The following ATG4C variants were observed in gnomAD, a reference collection of about 807,000 sequenced individuals.
The protein encoded by ATG4C is autophagy related 4C cysteine peptidase, also known as cysteine protease ATG4C.
ATG4C carries 56 observed loss-of-function variants against 57.6 expected under a neutral mutation model. The observed-to-expected ratio is 0.97, with a 90% CI of 0.78 to 1.21. The LOEUF (loss-of-function observed/expected upper bound fraction) is 1.21, where lower values mean the gene tolerates loss of function less well. Ranked by LOEUF, ATG4C falls within the 50% of genes most tolerant of loss-of-function variation. The pLI, the probability that ATG4C is intolerant of heterozygous loss-of-function variation, is 0.00. For missense variants in ATG4C, 595 were observed against 529.8 expected, an observed-to-expected ratio of 1.12 and a Z score of -1.21; for synonymous variants, 157 against 174.1, an observed-to-expected ratio of 0.90 and a Z score of 0.78.
intron 1 of ATG4C, among the ~76,000 whole-genome samples, chr1:62,787,810 A>G (rs569100813): frequency 1.3e-5 from 2 of 152,206 alleles, no homozygotes; most frequent in Admixed American, 6.5e-5. Context: ...ATATATATAC[A>G]TAGGTTAATA....
intron 5 of ATG4C, among the ~76,000 whole-genome samples, chr1:62,820,624 G>C (rs1250685031): frequency 6.6e-6 from 1 of 151,858 alleles, no homozygotes; most frequent in Non-Finnish European, 1.5e-5. Flanking sequence ...TTAATTTACA[G>C]TTTTACTTAT....
intron 10 of ATG4C, among the ~76,000 whole-genome samples, chr1:62,851,880 C>A (rs143339987): frequency 6.6e-6 from 1 of 152,070 alleles, no homozygotes. Flanking sequence ...CAACAGCAGT[C>A]GTGGTGGTGG....
intron 10 of ATG4C, among the ~76,000 whole-genome samples, chr1:62,861,614 CACACACACACACAG>C (rs148023284): frequency 0.08 from 4,938 of 61,860 alleles, 121 homozygotes; most frequent in Middle Eastern, 0.14. Flanking sequence ...CACACACACA[CACACACACACACAG>C]AGAGACACAA....
chr1:62,828,821 T>G lies in ATG4C; in HGVS notation c.797-219T>G, dbSNP rs910866470. Among the ~76,000 whole-genome samples the G allele has an allele frequency of 3.3e-5, 5 of 152,242 alleles. 1 individual carries two copies. The highest frequency in any genetic ancestry group is 2.9e-5 in the Non-Finnish European group (2 of 68,000). ...AAGTCTTTAATCCATCTTGAGTTGATTTTTATATATGGTGTAAGGAAGTGG... is the reference window on the plus strand; with the variant it reads ...AAGTCTTTAATCCATCTTGAGTTGAGTTTTATATATGGTGTAAGGAAGTGG... On this transcript the variant is annotated intron_variant, in intron 6 of 10. Coordinates refer to ENST00000317868, the MANE Select transcript of ATG4C (RefSeq NM_032852.4).
intron 7 of ATG4C, among the ~76,000 whole-genome samples, chr1:62,829,977 T>A (rs1371998740): frequency 6.6e-6 from 1 of 152,148 alleles, no homozygotes; most frequent in Non-Finnish European, 1.5e-5. Flanking sequence ...CTTTTATGAT[T>A]AATAACTATT....
chr1:62,790,271 A>G (rs1424906257), intron 1 of ATG4C, among the ~76,000 whole-genome samples: 37 of 152,230 alleles, frequency 2.4e-4, no homozygotes, highest in Non-Finnish European at 2.9e-5. Context: ...TTCAAATTCA[A>G]CACTGCAGAG....
chr1:62,848,883 T>C (rs533779801), intron 10 of ATG4C, among the ~76,000 whole-genome samples: 1 of 152,362 alleles, frequency 6.6e-6, no homozygotes, highest in East Asian at 1.9e-4. Context: ...AATCATCTTT[T>C]TTGATTTTCA....
At chr1:62,841,769 A>G (rs1666177098) in intron 10 of ATG4C, among the ~76,000 whole-genome samples, 1 of 152,214 alleles carries the variant, frequency 6.6e-6, no homozygotes, top group Non-Finnish European at 1.5e-5. Flanking sequence ...TTGGTCCACT[A>G]GGTGGCACTG....
At chr1:62,789,478 CCA>C (rs1477168806) in intron 1 of ATG4C, among the ~76,000 whole-genome samples, 3 of 152,202 alleles carry the variant, frequency 2.0e-5, no homozygotes, top group South Asian at 2.1e-4. Context: ...AGCCATTTTA[CCA>C]CAGAGTCCTG....
intron 10 of ATG4C, 54 bp downstream of exon 10, chr1:62,841,601 G>T: frequency 7.1e-7 from 1 of 1,405,656 alleles, no homozygotes; most frequent in Non-Finnish European, 9.5e-7. Flanking sequence ...ATTAGAAACA[G>T]ACTGTCAGAA....
Position 62,816,168 on chromosome 1 carries a change from G to A in ATG4C, c.161-407G>A, listed in dbSNP as rs139538750. 2.0e-3 allele frequency among the ~76,000 whole-genome samples: 305 copies of A among 152,210 alleles called. 2 individuals carry two copies. The highest frequency in any genetic ancestry group is 7.1e-3 in the African/African-American group (295 of 41,546). The stretch of plus-strand genomic sequence containing the variant: ...GTTTTTGCTGCATATAGGATTCTGA[G>A]TTAATGATTTTTTTTCTTCACTACT... On this transcript the variant is annotated intron_variant, in intron 3 of 10. Transcript: ENST00000317868.
At chr1:62,784,956 A>G (rs1664034876) in intron 1 of ATG4C, among the ~76,000 whole-genome samples, 1 of 152,172 alleles carries the variant, frequency 6.6e-6, no homozygotes. Flanking sequence ...TATTGAGTTT[A>G]TATTTCTTGT....
At chr1:62,837,286 C>T (rs1666027688) in intron 9 of ATG4C, among the ~76,000 whole-genome samples, 1 of 152,070 alleles carries the variant, frequency 6.6e-6, no homozygotes, top group Non-Finnish European at 1.5e-5. Flanking sequence ...TGAACATCAG[C>T]AGTTATATTT....
At chr1:62,809,214 C>A (rs1025435891) in intron 3 of ATG4C, among the ~76,000 whole-genome samples, 2 of 152,034 alleles carry the variant, frequency 1.3e-5, no homozygotes, top group South Asian at 4.1e-4. Context: ...GCTAGGATTA[C>A]AAGCTTGAGC....
chr1:62,828,946 G>A, intron 6 of ATG4C, 94 bp from the exon 7 acceptor site: 1 of 1,097,970 alleles, frequency 9.1e-7, no homozygotes, highest in Non-Finnish European at 1.3e-6. Context: ...ATAGCTGGCT[G>A]TCCATTGCGG....
intron 10 of ATG4C, among the ~76,000 whole-genome samples, chr1:62,852,775 T>G (rs2100359405): frequency 6.6e-6 from 1 of 151,976 alleles, no homozygotes; most frequent in East Asian, 1.9e-4. Context: ...AAATGTTCAG[T>G]TATATCTGTC....
chr1:62,835,981 G>A (rs10889384), intron 9 of ATG4C, among the ~76,000 whole-genome samples: 91,835 of 151,730 alleles, frequency 0.61, 27,798 homozygotes, highest in Admixed American at 0.69. Context: ...TAAACAGTAG[G>A]TACTTGAGAT....
intron 1 of ATG4C, among the ~76,000 whole-genome samples, chr1:62,799,516 C>T (rs1426777115): frequency 6.6e-6 from 1 of 152,058 alleles, no homozygotes; most frequent in Non-Finnish European, 1.5e-5. Context: ...GAGTTTTGAC[C>T]AAAAATAATG....
chr1:62,852,531 T>C (rs6670072), intron 10 of ATG4C, among the ~76,000 whole-genome samples: 68,566 of 151,808 alleles, frequency 0.45, 15,573 homozygotes, highest in East Asian at 0.66. Flanking sequence ...TCTCTTCCCA[T>C]ACCCTTTCAC....
Sources: allele counts gnomAD v4.1 joint callset (sites outside exome capture counted in the v4.1 genomes callset), GRCh38; gene constraint gnomAD v4.1.1; transcripts MANE v1.5; gene names NCBI Gene and HGNC (gene_info 2026-07-23, HGNC 2026-07-21).